RBMS1: variants seen among roughly 807,000 people sequenced by gnomAD.
RBMS1 encodes the protein RNA-binding motif, single-stranded-interacting protein 1.
In RBMS1, 17 loss-of-function variants were observed where a neutral mutation model predicts 62.3. That is an observed-to-expected ratio of 0.27 (90% CI 0.19 to 0.41). RBMS1 has a LOEUF of 0.41. RBMS1 is among the 10% of genes least tolerant of loss of function. The probability of loss-of-function intolerance (pLI) is 1.00; values close to 1 mark genes in which losing one functional copy is unlikely to be tolerated. For synonymous variants in RBMS1, 172 were observed against 170.0 expected (o/e 1.01, Z -0.09); for missense variants, 334 against 504.5 (o/e 0.66, Z 3.24).
chr2:160,298,735 G>T (rs6707514), intron 6 of RBMS1, among the ~76,000 whole-genome samples: 59,955 of 151,912 alleles, frequency 0.39, 12,129 homozygotes, highest in East Asian at 0.53. Flanking sequence ...ACTGTGTGGG[G>T]TCCTAACACC....
At chr2:160,413,623 T>C (rs1403799864) in intron 1 of RBMS1, among the ~76,000 whole-genome samples, 6 of 152,356 alleles carry the variant, frequency 3.9e-5, no homozygotes, top group South Asian at 4.1e-4. Context: ...CATATTCTGA[T>C]GAGTCCTACC....
chr2:160,326,468 T>C (rs752921636), intron 2 of RBMS1, among the ~76,000 whole-genome samples: 5 of 152,178 alleles, frequency 3.3e-5, no homozygotes, highest in Non-Finnish European at 7.3e-5. Flanking sequence ...GTGGGCTCTG[T>C]AGGACAATAA....
At chr2:160,324,919 C>CAG in intron 2 of RBMS1, among the ~76,000 whole-genome samples, 1 of 127,158 alleles carries the variant, frequency 7.9e-6, no homozygotes, top group Admixed American at 8.3e-5. Context: ...CACACACACA[C>CAG]ACACACACAC....
chr2:160,312,544 TTCA>T (rs1689984928), intron 4 of RBMS1, among the ~76,000 whole-genome samples: 1 of 152,116 alleles, frequency 6.6e-6, no homozygotes, highest in African/African-American at 2.4e-5. Context: ...ATGCTAAAAG[TTCA>T]TCAGAAATAA....
At chr2:160,379,315 C>G (rs902595833) in intron 1 of RBMS1, among the ~76,000 whole-genome samples, 3 of 151,950 alleles carry the variant, frequency 2.0e-5, no homozygotes, top group African/African-American at 7.2e-5. Flanking sequence ...AGCATTTTCC[C>G]ATTTTTACAG....
chr2:160,287,327 C>T (rs895674609), intron 6 of RBMS1, among the ~76,000 whole-genome samples: 1 of 152,134 alleles, frequency 6.6e-6, no homozygotes, highest in African/African-American at 2.4e-5. Flanking sequence ...AGGAATCTTT[C>T]GATTCACTTT....
At position 160,467,333 on chromosome 2, in the gene RBMS1, AAGG is replaced by A. The variant is rs1278079372; in HGVS notation, c.75+25953_75+25955del. Among the ~76,000 whole-genome samples, 5 of 152,336 alleles carry A rather than the reference AAGG, an allele frequency of 3.3e-5. No homozygotes were observed. The South Asian group carries it at 8.3e-4, about 25-fold the overall frequency. On this transcript the variant is annotated intron_variant, in intron 1 of 13. Coordinates refer to ENST00000348849, the MANE Select transcript of RBMS1 (RefSeq NM_016836.4). ...GAAGAAAGTTCATTTAGTGAGAGCC[AAGG>A]AGAAGAACCAGGATTTCTGATTAAA...
chr2:160,387,559 A>AAATG (rs1262385249), intron 1 of RBMS1, among the ~76,000 whole-genome samples: 1 of 152,118 alleles, frequency 6.6e-6, no homozygotes. Flanking sequence ...CAAGCCCTGG[A>AAATG]ACATTTTCTG....
At chr2:160,491,065 TG>T (rs1246301662) in intron 1 of RBMS1, among the ~76,000 whole-genome samples, 1 of 151,250 alleles carries the variant, frequency 6.6e-6, no homozygotes, top group Non-Finnish European at 1.5e-5. Context: ...TTTTTTTAAA[TG>T]ATTCAACATT....
intron 1 of RBMS1, among the ~76,000 whole-genome samples, chr2:160,439,176 G>T (rs1286359569): frequency 2.0e-5 from 3 of 151,228 alleles, no homozygotes; most frequent in Non-Finnish European, 4.4e-5. Flanking sequence ...GGACGGGGCG[G>T]CTGGCCGGAC....
At chr2:160,306,043 T>G (rs1321590620) in intron 4 of RBMS1, among the ~76,000 whole-genome samples, 1 of 152,128 alleles carries the variant, frequency 6.6e-6, no homozygotes, top group East Asian at 1.9e-4. Context: ...GCAGGAGGAC[T>G]GCTTAAGCCC....
chr2:160,369,240 T>C (rs555019892), intron 1 of RBMS1, among the ~76,000 whole-genome samples: 16 of 152,320 alleles, frequency 1.1e-4, no homozygotes, highest in Admixed American at 3.3e-4. Flanking sequence ...TGAACTCATA[T>C]CCTTTCTCCA....
At chr2:160,336,369 A>G (rs1445883879) in intron 2 of RBMS1, among the ~76,000 whole-genome samples, 1 of 152,202 alleles carries the variant, frequency 6.6e-6, no homozygotes, top group African/African-American at 2.4e-5. Context: ...CATCAGTGAT[A>G]CTGTATGGCC....
At chr2:160,311,153 C>A (rs1426468265) in intron 4 of RBMS1, among the ~76,000 whole-genome samples, 1 of 148,380 alleles carries the variant, frequency 6.7e-6, no homozygotes, top group African/African-American at 2.5e-5. Flanking sequence ...CAAGATTGTG[C>A]CACTGCACTC....
chr2:160,434,612 G>A (rs1683040329), intron 1 of RBMS1, among the ~76,000 whole-genome samples: 1 of 152,204 alleles, frequency 6.6e-6, no homozygotes, highest in Non-Finnish European at 1.5e-5. Flanking sequence ...CTAGCCACAT[G>A]CAGCTAATGG....
chr2:160,393,606 C>T (rs1435702481), intron 1 of RBMS1, among the ~76,000 whole-genome samples: 2 of 151,916 alleles, frequency 1.3e-5, no homozygotes, highest in African/African-American at 2.4e-5. Context: ...AGAGAAACTT[C>T]GTCTCCACTA....
chr2:160,321,599 T>C (rs901393841), intron 2 of RBMS1, among the ~76,000 whole-genome samples: 7 of 152,152 alleles, frequency 4.6e-5, no homozygotes, highest in African/African-American at 1.7e-4. Flanking sequence ...ATTTAAGTAG[T>C]GAAATATCAA....
At chr2:160,306,037 G>T (rs1689494637) in intron 4 of RBMS1, among the ~76,000 whole-genome samples, 1 of 152,128 alleles carries the variant, frequency 6.6e-6, no homozygotes, top group African/African-American at 2.4e-5. Context: ...GCTGAGGCAG[G>T]AGGACTGCTT....
At chr2:160,453,323 G>A (rs574542833) in intron 1 of RBMS1, among the ~76,000 whole-genome samples, 1 of 152,122 alleles carries the variant, frequency 6.6e-6, no homozygotes, top group Non-Finnish European at 1.5e-5. Context: ...TAAAAGGGAG[G>A]ATCCTTCTGG....
Sources: allele counts gnomAD v4.1 joint callset (sites outside exome capture counted in the v4.1 genomes callset), GRCh38; gene constraint gnomAD v4.1.1; transcripts MANE v1.5; gene names NCBI Gene and HGNC (gene_info 2026-07-23, HGNC 2026-07-21).